NKAIN2: variants seen among roughly 807,000 people sequenced by gnomAD.
NKAIN2 encodes the protein sodium/potassium-transporting ATPase subunit beta-1-interacting protein 2.
Under a neutral mutation model 32.6 loss-of-function variants are expected in NKAIN2, and 14 were observed. The observed-to-expected ratio is 0.43, with a 90% CI of 0.28 to 0.67. NKAIN2 has a LOEUF of 0.67. Among genes scored for constraint, NKAIN2 ranks in the 30% least tolerant of loss-of-function variants. The probability of loss-of-function intolerance (pLI) is 0.17; values close to 1 mark genes in which losing one functional copy is unlikely to be tolerated. For synonymous variants in NKAIN2, 80 were observed against 87.2 expected, an observed-to-expected ratio of 0.92 and a Z score of 0.46; for missense variants, 198 against 258.3, an observed-to-expected ratio of 0.77 and a Z score of 1.60.
chr6:124,282,909 G>T (rs41284440), intron 1 of NKAIN2, 96 bp from the exon 2 acceptor site: 155,364 of 1,026,244 alleles, frequency 0.15, 12,202 homozygotes, highest in African/African-American at 0.22. Context: ...ACAGTTATAA[G>T]TGCTAATTAT....
At chr6:124,501,426 C>A (rs772769366) in intron 3 of NKAIN2, among the ~76,000 whole-genome samples, 1 of 151,982 alleles carries the variant, frequency 6.6e-6, no homozygotes, top group Non-Finnish European at 1.5e-5. Flanking sequence ...TCAAATTAGC[C>A]GTAATGGAAG....
At chr6:124,511,482 C>A (rs181425906) in intron 3 of NKAIN2, among the ~76,000 whole-genome samples, 1 of 152,042 alleles carries the variant, frequency 6.6e-6, no homozygotes, top group African/African-American at 2.4e-5. Flanking sequence ...AAAATTATTC[C>A]CTTTATCGAG....
chr6:123,826,930 A>G (rs1023755462), intron 1 of NKAIN2, among the ~76,000 whole-genome samples: 2 of 152,108 alleles, frequency 1.3e-5, no homozygotes, highest in African/African-American at 4.8e-5. Flanking sequence ...GCTGTTTCCC[A>G]TAGTGGCTGC....
intron 2 of NKAIN2, among the ~76,000 whole-genome samples, chr6:124,350,103 G>A (rs562875956): frequency 4.3e-4 from 66 of 152,234 alleles, no homozygotes; most frequent in African/African-American, 1.4e-3. Flanking sequence ...CAAGTTAGGT[G>A]GTATCTAGCA....
intron 1 of NKAIN2, among the ~76,000 whole-genome samples, chr6:124,155,242 C>T (rs191957373): frequency 1.3e-5 from 2 of 152,138 alleles, no homozygotes; most frequent in African/African-American, 4.8e-5. Context: ...AAACTTTGGC[C>T]TTCCATAGCA....
intron 4 of NKAIN2, among the ~76,000 whole-genome samples, chr6:124,712,206 C>G (rs1775517191): frequency 2.0e-5 from 3 of 150,030 alleles, no homozygotes; most frequent in Admixed American, 2.0e-4. Context: ...CTGGGAGAAC[C>G]ACTGCTCTCT....
At chr6:124,781,310 A>G (rs988964661) in intron 4 of NKAIN2, among the ~76,000 whole-genome samples, 3 of 152,138 alleles carry the variant, frequency 2.0e-5, no homozygotes, top group South Asian at 4.1e-4. Flanking sequence ...TTTCATTTAT[A>G]AATAATAGAT....
chr6:124,430,873 C>T (rs992662077), intron 3 of NKAIN2, among the ~76,000 whole-genome samples: 11 of 152,094 alleles, frequency 7.2e-5, no homozygotes, highest in East Asian at 1.9e-4. Context: ...CACACACGCG[C>T]GCGCACATAC....
chr6:123,975,678 C>T (rs998748775), intron 1 of NKAIN2, among the ~76,000 whole-genome samples: 1 of 152,058 alleles, frequency 6.6e-6, no homozygotes, highest in Admixed American at 6.6e-5. Context: ...ATAAGTGGCA[C>T]CTTCTTGCTG....
At chr6:124,423,715 C>T (rs1774855933) in intron 3 of NKAIN2, among the ~76,000 whole-genome samples, 1 of 152,110 alleles carries the variant, frequency 6.6e-6, no homozygotes, top group African/African-American at 2.4e-5. Flanking sequence ...TTTCCTTCCA[C>T]CTTGTAGGAG....
intron 2 of NKAIN2, among the ~76,000 whole-genome samples, chr6:124,290,639 G>C (rs1242703309): frequency 6.8e-6 from 1 of 147,598 alleles, no homozygotes; most frequent in Non-Finnish European, 1.5e-5. Context: ...ATTTGTTTTT[G>C]AATTATACGT....
chr6:124,289,924 G>C (rs1432186424), intron 2 of NKAIN2, among the ~76,000 whole-genome samples: 5 of 152,130 alleles, frequency 3.3e-5, no homozygotes, highest in African/African-American at 9.7e-5. Flanking sequence ...TTTCTGTGTT[G>C]AGGACAGAAA....
Position 124,823,334 on chromosome 6 carries a change from T to C in NKAIN2, c.*105T>C, listed in dbSNP as rs1016187524. The C allele has an allele frequency of 1.2e-6, 1 of 811,348 alleles. No individual in the cohort carries two copies. The highest frequency in any genetic ancestry group is 1.7e-5 in the Admixed American group (1 of 58,064). 50.3% of individuals were successfully genotyped at this position (811,348 alleles called of 1,614,324 possible). ...CAAGAAGCAACTGAGTTTAAATACA[T>C]ACACGTATTAACAAAACAAATGCAA... On this transcript the variant is annotated 3_prime_UTR_variant, in exon 7 of 7. Coordinates refer to ENST00000368417, the MANE Select transcript of NKAIN2 (RefSeq NM_001040214.3).
intron 1 of NKAIN2, among the ~76,000 whole-genome samples, chr6:124,228,582 T>C (rs1448024784): frequency 2.0e-5 from 3 of 152,132 alleles, no homozygotes; most frequent in African/African-American, 4.8e-5. Flanking sequence ...ACTTAGTCCA[T>C]AGCAAGACCT....
At chr6:124,492,961 A>G (rs999975711) in intron 3 of NKAIN2, among the ~76,000 whole-genome samples, 3 of 151,950 alleles carry the variant, frequency 2.0e-5, no homozygotes, top group Non-Finnish European at 2.9e-5. Flanking sequence ...TCTGTGCACT[A>G]GTTAGATGAG....
intron 1 of NKAIN2, among the ~76,000 whole-genome samples, chr6:124,186,839 C>A (rs577082277): frequency 6.6e-6 from 1 of 152,212 alleles, no homozygotes; most frequent in African/African-American, 2.4e-5. Context: ...AGCATTAGAG[C>A]CACCATGTCA....
At chr6:124,077,884 A>G (rs937081985) in intron 1 of NKAIN2, among the ~76,000 whole-genome samples, 8 of 152,150 alleles carry the variant, frequency 5.3e-5, no homozygotes, top group African/African-American at 1.9e-4. Flanking sequence ...ACAGGCGTGA[A>G]TGACAGTGCC....
At chr6:124,721,273 G>A (rs983492726) in intron 4 of NKAIN2, among the ~76,000 whole-genome samples, 2 of 151,744 alleles carry the variant, frequency 1.3e-5, no homozygotes, top group South Asian at 2.1e-4. Flanking sequence ...GCGCAGTGGC[G>A]GGCGCCTGTA....
intron 1 of NKAIN2, among the ~76,000 whole-genome samples, chr6:123,912,853 T>C (rs1026247382): frequency 2.0e-5 from 3 of 151,522 alleles, no homozygotes; most frequent in Non-Finnish European, 4.4e-5. Context: ...GACAGAATCA[T>C]TGCAATATCA....
Sources: allele counts gnomAD v4.1 joint callset (sites outside exome capture counted in the v4.1 genomes callset), GRCh38; gene constraint gnomAD v4.1.1; transcripts MANE v1.5; gene names NCBI Gene and HGNC (gene_info 2026-07-23, HGNC 2026-07-21).